CHRNB2: variants seen among roughly 807,000 people sequenced by gnomAD.
CHRNB2 encodes the protein cholinergic receptor nicotinic beta 2 subunit.
In CHRNB2, 33 loss-of-function variants were observed where a neutral mutation model predicts 42.7. The ratio of observed to expected loss-of-function variants is 0.77; its 90% CI spans 0.59 to 1.03. CHRNB2 has a LOEUF of 1.03. CHRNB2 is among the 50% of genes least tolerant of loss of function. The probability of loss-of-function intolerance (pLI) is 0.00; values close to 1 mark genes in which losing one functional copy is unlikely to be tolerated. For synonymous variants in CHRNB2, 325 were observed against 292.9 expected (o/e 1.11, Z -1.12); for missense variants, 603 against 700.9 (o/e 0.86, Z 1.58).
At chr1:154,575,110 G>A (rs1239590284) in intron 5 of CHRNB2, among the ~76,000 whole-genome samples, 2 of 152,226 alleles carry the variant, frequency 1.3e-5, no homozygotes, top group Non-Finnish European at 2.9e-5. Flanking sequence ...GAGCCAGGCC[G>A]GCTGAGGCAG....
In CHRNB2 at chr1:154,575,794, G is replaced by A. The variant is rs1226452628; in HGVS notation, c.1371G>A (p.Val457=). 6.2e-7 allele frequency: 1 copy of A among 1,614,046 alleles called. No individual in the cohort carries two copies. Among genetic ancestry groups the A allele is most frequent in the African/African-American group, 1.3e-5 (1 of 74,910 alleles). ...AGGACTGGAAGTACGTCGCCATGGT[G>A]ATCGACCGCCTCTTCCTCTGGATCT... ...VSEDWKYVAM[V]IDRLFLWIFV... Residue 457 remains valine, a synonymous_variant, in exon 6 of 6, where the codon GTG becomes GTA. Coordinates refer to ENST00000368476, the MANE Select transcript of CHRNB2 (RefSeq NM_000748.3).
At chr1:154,569,669 A>G (rs1696127218) in intron 2 of CHRNB2, 62 bp downstream of exon 2, 2 of 1,613,326 alleles carry the variant, frequency 1.2e-6, no homozygotes, top group Admixed American at 3.3e-5. Context: ...AAATGTGTTA[A>G]TGCTTGTGTG....
At chr1:154,575,647 G>T in intron 5 of CHRNB2, 115 bp from the exon 6 acceptor site, 1 of 1,057,190 alleles carries the variant, frequency 9.5e-7, no homozygotes. Flanking sequence ...AGATCATTCT[G>T]GGATCACTGC....
At position 154,571,474 on chromosome 1, in the gene CHRNB2, C is replaced by T. The variant is rs1425961412; in HGVS notation, c.651C>T (p.Asp217=). The T allele has an allele frequency of 5.0e-6, 8 of 1,613,990 alleles. No individual in the cohort carries two copies. The African/African-American group carries it at 6.7e-5, about 13-fold the overall frequency. ...CGGGCCGGCGCAACGAGAACCCCGA[C>T]GACTCTACGTACGTGGACATCACGT... ...ALPGRRNENP[D]DSTYVDITYD... The change falls in exon 5 of 6, where the codon GAC becomes GAT. Residue 217 remains aspartate (D), a synonymous_variant. Coordinates refer to ENST00000368476, the MANE Select transcript of CHRNB2 (RefSeq NM_000748.3). The surrounding 1 kb of genome is among the most constrained non-coding windows in gnomAD (Gnocchi z 6.8).
intron 5 of CHRNB2, among the ~76,000 whole-genome samples, chr1:154,573,333 T>C (rs537984706): frequency 3.9e-5 from 6 of 152,324 alleles, no homozygotes; most frequent in Non-Finnish European, 7.3e-5. Flanking sequence ...ACTTGGATGC[T>C]TCACAGGCAC....
rs1373453066 is a variant in CHRNB2, at chr1:154,576,127, C to T, written c.*195C>T. 1.5e-6 allele frequency: 1 copy of T among 670,918 alleles called. No individual in the cohort carries two copies. The highest frequency in any genetic ancestry group is 2.6e-6 in the Non-Finnish European group (1 of 382,444). 41.6% of individuals were successfully genotyped at this position (670,918 alleles called of 1,614,324 possible). On this transcript the variant is annotated 3_prime_UTR_variant, in exon 6 of 6. Coordinates refer to ENST00000368476, the MANE Select transcript of CHRNB2 (RefSeq NM_000748.3). ...AGCTCCAACCTGGAGGCTGGACCAA[C>T]TGCTTTGTTTTGGCTGCTCTCCATC...
At position 154,579,339 on chromosome 1, in the gene CHRNB2, C is replaced by T. The variant is rs1379698024; in HGVS notation, c.*3407C>T. The T allele has an allele frequency of 3.9e-5, 6 of 152,242 alleles. No individual in the cohort carries two copies. The highest frequency in any genetic ancestry group is 8.8e-5 in the Non-Finnish European group (6 of 68,090). The allele number at this position is 152,242 out of a possible 1,614,324, so 9.4% of individuals were successfully genotyped here. On this transcript the variant is annotated 3_prime_UTR_variant, in exon 6 of 6. Coordinates refer to ENST00000368476, the MANE Select transcript of CHRNB2 (RefSeq NM_000748.3). ...CAATCCTATGGGAAGGGGCCTCCAC[C>T]TACGTAACAGAAATGCGGCTCAGAA...
At position 154,569,853 on chromosome 1, in the gene CHRNB2, T is replaced by C; in HGVS notation, c.255+17T>C. 1 of 1,613,984 alleles carries C rather than the reference T, an allele frequency of 6.2e-7. No individual in the cohort carries two copies. Among genetic ancestry groups the C allele is most frequent in the Non-Finnish European group, 8.5e-7 (1 of 1,179,882 alleles). On this transcript the variant is annotated intron_variant, in intron 3 of 5. Transcript: ENST00000368476. ...CTGACCCAGGTAAGCGTAAGTGCTC[T>C]CTTCCACCCACACCCCTGGCCTTCT...
chr1:154,570,838 C>T (rs983643166), intron 4 of CHRNB2, among the ~76,000 whole-genome samples: 2 of 152,118 alleles, frequency 1.3e-5, no homozygotes, highest in Non-Finnish European at 2.9e-5. Flanking sequence ...TCACTCTGGC[C>T]TCCTGGCTCC....
chr1:154,573,355 C>A (rs1571024312), intron 5 of CHRNB2, among the ~76,000 whole-genome samples: 1 of 152,192 alleles, frequency 6.6e-6, no homozygotes, highest in African/African-American at 2.4e-5. Flanking sequence ...TCAAACTCAA[C>A]ATGCTCAAAA....
Position 154,579,840 on chromosome 1 carries a change from T to G in CHRNB2, c.*3908T>G, listed in dbSNP as rs201253265. 2.6e-5 allele frequency: 4 copies of G among 152,232 alleles called. No individual in the cohort carries two copies. Among genetic ancestry groups the G allele is most frequent in the Non-Finnish European group, 4.4e-5 (3 of 68,090 alleles). 9.4% of individuals were successfully genotyped at this position (152,232 alleles called of 1,614,324 possible). A position where few individuals can be genotyped will look rare whatever the true frequency, so the allele number is the denominator to read the frequency against. ...CTAGCCTACTCCAGGTCAGACTCAT[T>G]AGGAACTCAAGATTCTCGTAAAGAA... On this transcript the variant is annotated 3_prime_UTR_variant, in exon 6 of 6. Transcript: ENST00000368476.
In CHRNB2 at chr1:154,572,038, T is replaced by A; in HGVS notation, c.1215T>A (p.Ala405=). The A allele has an allele frequency of 6.5e-7, 1 of 1,534,414 alleles. No individual in the cohort carries two copies. The highest frequency in any genetic ancestry group is 8.7e-7 in the Non-Finnish European group (1 of 1,145,320). ...AGGGGTTGGCCGGGGCCTTCGGGGC[T>A]GAGCCTGCACCAGTGGCGGGCCCCG... ...SVQGLAGAFG[A]EPAPVAGPGR... Residue 405 remains alanine, a synonymous_variant, in exon 5 of 6, where the codon GCT becomes GCA. Transcript: ENST00000368476.
At chr1:154,570,231 G>A (rs1696136745) in intron 3 of CHRNB2, 27 bp from the exon 4 acceptor site, 1 of 1,508,762 alleles carries the variant, frequency 6.6e-7, no homozygotes, top group Non-Finnish European at 9.2e-7. Flanking sequence ...GCACAAGTTG[G>A]TACTGCCTCC....
chr1:154,567,780 A>G lies in CHRNB2; in HGVS notation c.-265A>G, dbSNP rs202035717. On this transcript the variant is annotated 5_prime_UTR_variant, in exon 1 of 6. Transcript: ENST00000368476. ...CAGCGTTTCCGCCTCCGGGGCGCAG[A>G]CTCCTCCCCCTCACCGTCCCAATTG... 23 of 408,660 alleles carry G rather than the reference A, an allele frequency of 5.6e-5. No homozygotes were observed. The highest frequency in any genetic ancestry group is 9.0e-5 in the Non-Finnish European group (21 of 234,300). The allele number at this position is 408,660 out of a possible 1,614,324, so 25.3% of individuals were successfully genotyped here.
intron 5 of CHRNB2, among the ~76,000 whole-genome samples, chr1:154,574,469 C>T (rs1696233665): frequency 6.6e-6 from 1 of 152,156 alleles, no homozygotes; most frequent in Non-Finnish European, 1.5e-5. Context: ...TCAGCTTTGT[C>T]TTTCATGGCA....
In CHRNB2 at chr1:154,576,239, G is replaced by A. The variant is rs1233388890; in HGVS notation, c.*307G>A. ...AGATGGCAGAGCCATCCACCCTGAG[G>A]AGTGATGGGCAAGGGGCCAGGAAGG... On this transcript the variant is annotated 3_prime_UTR_variant, in exon 6 of 6. Transcript: ENST00000368476. The A allele has an allele frequency of 4.3e-6, 2 of 468,878 alleles. No homozygotes were observed. The highest frequency in any genetic ancestry group is 2.0e-5 in the African/African-American group (1 of 50,602). The allele number at this position is 468,878 out of a possible 1,614,324, so 29.0% of individuals were successfully genotyped here. A position where few individuals can be genotyped will look rare whatever the true frequency, so the allele number is the denominator to read the frequency against.
At position 154,572,002 on chromosome 1, in the gene CHRNB2, C is replaced by T; in HGVS notation, c.1179C>T (p.Arg393=). 2 of 1,535,196 alleles carry T rather than the reference C, an allele frequency of 1.3e-6. No individual in the cohort carries two copies. Among genetic ancestry groups the T allele is most frequent in the Non-Finnish European group, 1.7e-6 (2 of 1,145,554 alleles). ...GADSCTCFVN[R]ASVQGLAGAF... is the part of the protein sequence containing the mutation. ...ACTCCTGCACGTGCTTCGTCAACCG[C>T]GCGTCGGTGCAGGGGTTGGCCGGGG... Residue 393 remains arginine (R), a synonymous_variant, in exon 5 of 6, where the codon CGC becomes CGT. Transcript: ENST00000368476.
intron 1 of CHRNB2, among the ~76,000 whole-genome samples, chr1:154,568,376 A>G (rs1696100254): frequency 6.6e-6 from 1 of 152,226 alleles, no homozygotes; most frequent in Admixed American, 6.5e-5. Flanking sequence ...GTGCAGGCAC[A>G]GAGAGCAAGG....
rs78492812 is a variant in CHRNB2 at position 154,568,038 on chromosome 1, C to T, written c.-7C>T. ...GTGTAGGCGAGGCAGCGAGCTATGCCCGCGGCATGGCCCGGCGCTGCGGCC... is the reference window on the plus strand; with the variant it reads ...GTGTAGGCGAGGCAGCGAGCTATGCTCGCGGCATGGCCCGGCGCTGCGGCC... On this transcript the variant is annotated 5_prime_UTR_variant, in exon 1 of 6. Transcript: ENST00000368476. The T allele has an allele frequency of 6.3e-7, 1 of 1,588,158 alleles. No individual in the cohort carries two copies. Among genetic ancestry groups the T allele is most frequent in the Non-Finnish European group, 8.5e-7 (1 of 1,169,948 alleles).
Sources: gnomAD v4.1 joint callset for allele counts (sites outside exome capture counted in the v4.1 genomes callset) on GRCh38, gnomAD v4.1.1 for gene constraint, Gnocchi (gnomAD v3.1) non-coding constraint, MANE v1.5 for transcripts, NCBI Gene and HGNC (gene_info 2026-07-23, HGNC 2026-07-21) for gene names.